Variants in ULK4 observed in about 807,000 individuals in gnomAD.
ULK4 encodes the protein inactive serine/threonine-protein kinase ULK4.
A neutral mutation model predicts 160.6 loss-of-function variants in ULK4; 133 were observed. That is an observed-to-expected ratio of 0.83 (90% CI 0.72 to 0.96). The LOEUF is 0.96. ULK4 is among the 40% of genes least tolerant of loss of function. ULK4 has a pLI of 0.00. For missense variants in ULK4, 1,580 were observed against 1,499.5 expected, an observed-to-expected ratio of 1.05 and a Z score of -0.89; for synonymous variants, 534 against 539.8, an observed-to-expected ratio of 0.99 and a Z score of 0.15.
intron 17 of ULK4, among the ~76,000 whole-genome samples, chr3:41,879,827 C>T (rs9830599): frequency 0.87 from 132,899 of 152,178 alleles, 59,722 homozygotes; most frequent in Non-Finnish European, 0.98. Context: ...TCTGTTAATA[C>T]TCCTTTTGGC....
chr3:41,788,520 T>C (rs2040058755), intron 21 of ULK4, among the ~76,000 whole-genome samples: 1 of 151,932 alleles, frequency 6.6e-6, no homozygotes. Flanking sequence ...CCGTCTCTAC[T>C]AAAAATACAA....
At chr3:41,840,126 T>C (rs1481605133) in intron 17 of ULK4, among the ~76,000 whole-genome samples, 1 of 152,040 alleles carries the variant, frequency 6.6e-6, no homozygotes, top group East Asian at 1.9e-4. Context: ...CAAAACAATT[T>C]TGAAAAAGGA....
chr3:41,831,531 A>ATATATATATATATATATT, intron 18 of ULK4, among the ~76,000 whole-genome samples: 8 of 138,062 alleles, frequency 5.8e-5, no homozygotes, highest in African/African-American at 2.3e-4. Flanking sequence ...ATATATATAT[A>ATATATATATATATATATT]TTTTTTTTTC....
intron 32 of ULK4, among the ~76,000 whole-genome samples, chr3:41,515,750 T>C (rs1185911600): frequency 6.6e-6 from 1 of 152,192 alleles, no homozygotes; most frequent in African/African-American, 2.4e-5. Context: ...ATCCAGTTAC[T>C]TCCACCTAGT....
At chr3:41,817,431 C>G (rs577212368) in intron 19 of ULK4, among the ~76,000 whole-genome samples, 2 of 152,148 alleles carry the variant, frequency 1.3e-5, no homozygotes, top group Admixed American at 1.3e-4. Flanking sequence ...CATAAAAGAA[C>G]TATGCAGCCA....
At chr3:41,477,031 T>A (rs574746604) in intron 32 of ULK4, among the ~76,000 whole-genome samples, 19 of 152,344 alleles carry the variant, frequency 1.2e-4, no homozygotes, top group African/African-American at 4.1e-4. Flanking sequence ...GATAGTGTGC[T>A]AGTACTTCCC....
chr3:41,905,735 A>G (rs1698529990), intron 12 of ULK4, among the ~76,000 whole-genome samples: 1 of 152,224 alleles, frequency 6.6e-6, no homozygotes, highest in Non-Finnish European at 1.5e-5. Context: ...ACTCAACATC[A>G]TTAGCCATCA....
At chr3:41,308,433 C>CA (rs60306590) in intron 35 of ULK4, among the ~76,000 whole-genome samples, 2,900 of 131,274 alleles carry the variant, frequency 0.022, 46 homozygotes, top group African/African-American at 0.063. Context: ...ATAAAAACTA[C>CA]AAAAAAAAAA....
rs768336882 is a variant in ULK4 at position 41,538,742 on chromosome 3, T to C, written c.3226+27283A>G. Among the ~76,000 whole-genome samples, 14 of 152,140 alleles carry C rather than the reference T, an allele frequency of 9.2e-5. 1 individual carries two copies. The highest frequency in any genetic ancestry group is 1.8e-4 in the Non-Finnish European group (12 of 68,000). ...GGTAGCTACAAAATTATTATAGTAG[T>C]AAAGTATCACAGTTAATTTTATGCA... On this transcript the variant is annotated intron_variant, in intron 32 of 36. Transcript: ENST00000301831.
In ULK4 at chr3:41,340,885, T is replaced by C. The variant is rs76989898; in HGVS notation, c.3678+57194A>G. Among the ~76,000 whole-genome samples the C allele has an allele frequency of 9.6e-3, 1,460 of 152,308 alleles. 17 individuals are homozygous for C. The highest frequency in any genetic ancestry group is 0.026 in the African/African-American group (1,071 of 41,586). On this transcript the variant is annotated intron_variant, in intron 35 of 36. Coordinates refer to ENST00000301831, the MANE Select transcript of ULK4 (RefSeq NM_017886.4). ...TCTCTGACATTCTGTGGGAATCTTA[T>C]ATGGAAATGGATGGGGTTGGGGTGG...
In ULK4 at chr3:41,666,979, A is replaced by G. The variant is rs537390809; in HGVS notation, c.2979-3280T>C. On this transcript the variant is annotated intron_variant, in intron 29 of 36. Coordinates refer to ENST00000301831, the MANE Select transcript of ULK4 (RefSeq NM_017886.4). Reference sequence around the variant, plus strand: ...ACAACATCGTGAGACCCTGTCTATAAAAAAAGAAAAAAAAATTATTTTTAA... The same window carrying G: ...ACAACATCGTGAGACCCTGTCTATAGAAAAAGAAAAAAAAATTATTTTTAA... 8.6e-5 allele frequency among the ~76,000 whole-genome samples: 13 copies of G among 152,044 alleles called. No individual in the cohort carries two copies. In the South Asian group the frequency reaches 2.7e-3, roughly 32 times the overall value.
At chr3:41,806,406 T>C (rs2040643688) in intron 19 of ULK4, among the ~76,000 whole-genome samples, 1 of 152,242 alleles carries the variant, frequency 6.6e-6, no homozygotes. Flanking sequence ...TAGTGGTCTA[T>C]CAGTTTTGTT....
chr3:41,926,873 T>C (rs1430225224), intron 5 of ULK4, among the ~76,000 whole-genome samples: 4 of 152,198 alleles, frequency 2.6e-5, no homozygotes, highest in East Asian at 1.9e-4. Context: ...TACGTTTGAT[T>C]GATGTACCTG....
At chr3:41,822,882 C>T (rs939616446) in intron 18 of ULK4, among the ~76,000 whole-genome samples, 16 of 151,984 alleles carry the variant, frequency 1.1e-4, no homozygotes, top group African/African-American at 2.4e-4. Flanking sequence ...CCACCACACC[C>T]GGCTAATTTT....
rs553341165 is a variant in ULK4 at position 41,719,070 on chromosome 3, A to G, written c.2322-1209T>C. On this transcript the variant is annotated intron_variant, in intron 22 of 36. Transcript: ENST00000301831. ...CTAAAGTCACATGACATCAAATCCA[A>G]TGGGCCTTCATCTGCCTTCAACTAC... 4.6e-5 allele frequency among the ~76,000 whole-genome samples: 7 copies of G among 152,284 alleles called. No individual in the cohort carries two copies. In the East Asian group the frequency reaches 1.4e-3, roughly 29 times the overall value.
chr3:41,379,179 ATG>A (rs1316201459), intron 35 of ULK4, among the ~76,000 whole-genome samples: 1 of 151,672 alleles, frequency 6.6e-6, no homozygotes, highest in African/African-American at 2.4e-5. Context: ...CATTCTGTAC[ATG>A]TATCCCAGAA....
At chr3:41,611,590 G>A (rs2032680306) in intron 31 of ULK4, among the ~76,000 whole-genome samples, 1 of 151,994 alleles carries the variant, frequency 6.6e-6, no homozygotes, top group African/African-American at 2.4e-5. Context: ...TCCCAGAATC[G>A]AGTTTCCACC....
In ULK4 at chr3:41,603,132, A is replaced by T. The variant is rs575854322; in HGVS notation, c.3120+12537T>A. Among the ~76,000 whole-genome samples, 5 of 152,262 alleles carry T rather than the reference A, an allele frequency of 3.3e-5. No homozygotes were observed. The South Asian group carries it at 1.0e-3, about 32-fold the overall frequency. ...AAAGGTAGAGTGAACATGCAACAGGAGATACCATGCAAACATTAATTAAAA... is the reference window on the plus strand; with the variant it reads ...AAAGGTAGAGTGAACATGCAACAGGTGATACCATGCAAACATTAATTAAAA... On this transcript the variant is annotated intron_variant, in intron 31 of 36. Transcript: ENST00000301831.
chr3:41,522,406 C>T (rs1433383373), intron 32 of ULK4, among the ~76,000 whole-genome samples: 1 of 152,096 alleles, frequency 6.6e-6, no homozygotes, highest in Non-Finnish European at 1.5e-5. Context: ...TCCCAAAGTG[C>T]TGGGATTTCA....
Sources: gnomAD v4.1 joint callset for allele counts (sites outside exome capture counted in the v4.1 genomes callset) on GRCh38, gnomAD v4.1.1 for gene constraint, MANE v1.5 for transcripts, NCBI Gene and HGNC (gene_info 2026-07-23, HGNC 2026-07-21) for gene names.